The following CREB5 variants were observed in gnomAD, a reference collection of about 807,000 sequenced individuals.
CREB5 encodes cyclic AMP-responsive element-binding protein 5.
Under a neutral mutation model 57.1 loss-of-function variants are expected in CREB5, and 19 were observed. The observed-to-expected ratio is 0.33, with a 90% CI of 0.23 to 0.49. The LOEUF is 0.49. CREB5 is among the 20% of genes least tolerant of loss of function. CREB5 has a pLI of 0.99. For synonymous variants in CREB5, 238 were observed against 238.3 expected (o/e 1.00, Z 0.01); for missense variants, 579 against 671.6 (o/e 0.86, Z 1.52).
At chr7:28,672,451 A>G (rs1800098539) in intron 5 of CREB5, among the ~76,000 whole-genome samples, 1 of 152,196 alleles carries the variant, frequency 6.6e-6, no homozygotes. Context: ...ACTGCAGAAA[A>G]AAAAAATGCT....
At chr7:28,728,294 T>G (rs1803436960) in intron 7 of CREB5, among the ~76,000 whole-genome samples, 1 of 152,188 alleles carries the variant, frequency 6.6e-6, no homozygotes, top group East Asian at 1.9e-4. Context: ...TTAATAAAAC[T>G]GGCCCAGTGA....
intron 1 of CREB5, among the ~76,000 whole-genome samples, chr7:28,348,151 A>T (rs1427031862): frequency 6.6e-6 from 1 of 152,170 alleles, no homozygotes; most frequent in African/African-American, 2.4e-5. Context: ...TCGTGTGCAC[A>T]GGATCACCGG....
At chr7:28,576,159 G>A (rs1044686562) in intron 5 of CREB5, among the ~76,000 whole-genome samples, 5 of 152,180 alleles carry the variant, frequency 3.3e-5, no homozygotes, top group African/African-American at 1.2e-4. Flanking sequence ...AACACAGCAA[G>A]CCTGCTCTAC....
intron 5 of CREB5, among the ~76,000 whole-genome samples, chr7:28,580,744 G>A (rs1045827352): frequency 2.6e-5 from 4 of 151,980 alleles, no homozygotes; most frequent in South Asian, 2.1e-4. Flanking sequence ...GGTTGAGTTG[G>A]CAGTTTGGAG....
chr7:28,534,425 C>A (rs1042071198), intron 4 of CREB5, among the ~76,000 whole-genome samples: 2 of 152,198 alleles, frequency 1.3e-5, no homozygotes, highest in Admixed American at 6.5e-5. Flanking sequence ...GCTGGGTGGA[C>A]CCCTTGCCTT....
intron 5 of CREB5, among the ~76,000 whole-genome samples, chr7:28,644,914 A>G (rs1487523863): frequency 6.6e-6 from 1 of 152,164 alleles, no homozygotes; most frequent in Admixed American, 6.5e-5. Flanking sequence ...ACAAAATCCA[A>G]TGAGTGTTTA....
chr7:28,702,188 G>A (rs559505372), intron 5 of CREB5, among the ~76,000 whole-genome samples: 1 of 152,280 alleles, frequency 6.6e-6, no homozygotes, highest in Non-Finnish European at 1.5e-5. Flanking sequence ...TTTAATTAAA[G>A]AGGTTTGTTT....
intron 5 of CREB5, among the ~76,000 whole-genome samples, chr7:28,716,056 G>C (rs555458845): frequency 1.3e-5 from 2 of 152,226 alleles, no homozygotes; most frequent in East Asian, 1.9e-4. Flanking sequence ...GTTTCAGGAA[G>C]AATAAAAACT....
At chr7:28,310,467 G>T (rs1471632049) in intron 1 of CREB5, among the ~76,000 whole-genome samples, 1 of 152,212 alleles carries the variant, frequency 6.6e-6, no homozygotes, top group Non-Finnish European at 1.5e-5. Context: ...AGCTTTGGGG[G>T]TCTGAAATCC....
intron 7 of CREB5, among the ~76,000 whole-genome samples, chr7:28,748,775 G>T (rs2128762079): frequency 6.6e-6 from 1 of 152,288 alleles, no homozygotes; most frequent in Non-Finnish European, 1.5e-5. Context: ...TTTTAAGATG[G>T]TTTGTAGGTC....
At chr7:28,793,890 G>A (rs993680600) in intron 7 of CREB5, among the ~76,000 whole-genome samples, 1 of 152,222 alleles carries the variant, frequency 6.6e-6, no homozygotes, top group African/African-American at 2.4e-5. Flanking sequence ...TTGGGGATGT[G>A]TAGCATTGAA....
intron 7 of CREB5, among the ~76,000 whole-genome samples, chr7:28,755,847 T>G (rs1008733015): frequency 1.3e-5 from 2 of 152,036 alleles, no homozygotes. Context: ...AATCTGTAAG[T>G]GTTAGTGGCC....
rs533665640 is a variant in CREB5 at position 28,320,071 on chromosome 7, C to T, written c.-25+20630C>T. ...TCAGCCTCCCAAGTAGCTAAGACTACAGCTGCGTGCCACCATGCCTGGCTA... is the reference window on the plus strand; with the variant it reads ...TCAGCCTCCCAAGTAGCTAAGACTATAGCTGCGTGCCACCATGCCTGGCTA... On this transcript the variant is annotated intron_variant, in intron 1 of 9. Transcript: ENST00000396299. Among the ~76,000 whole-genome samples, 6 of 152,198 alleles carry T rather than the reference C, an allele frequency of 3.9e-5. No homozygotes were observed. The South Asian group carries it at 8.3e-4, about 21-fold the overall frequency.
intron 10 of CREB5, 90 bp from the exon 11 acceptor site, chr7:28,819,026 A>G: frequency 2.2e-6 from 3 of 1,357,170 alleles, no homozygotes; most frequent in Non-Finnish European, 3.0e-6. Flanking sequence ...TATCTAGTAC[A>G]GTTTCTCTGA....
At chr7:28,490,309 A>G (rs1412548561) in intron 2 of CREB5, among the ~76,000 whole-genome samples, 1 of 152,234 alleles carries the variant, frequency 6.6e-6, no homozygotes, top group Non-Finnish European at 1.5e-5. Flanking sequence ...CACCTTGAAG[A>G]GTATAATACA....
chr7:28,410,508 T>C (rs1417432443), upstream of CREB5: 1 of 456,678 alleles, frequency 2.2e-6, no homozygotes, highest in Non-Finnish European at 4.4e-6. Flanking sequence ...TCCCGCTTCT[T>C]CTTTGCCATA....
At chr7:28,309,171 T>C (rs1419689064) in intron 1 of CREB5, among the ~76,000 whole-genome samples, 1 of 152,244 alleles carries the variant, frequency 6.6e-6, no homozygotes, top group Non-Finnish European at 1.5e-5. Flanking sequence ...ATTTTGGACT[T>C]GCCAGCCTCC....
At chr7:28,498,601 G>A (rs1269063291) in intron 3 of CREB5, among the ~76,000 whole-genome samples, 2 of 152,122 alleles carry the variant, frequency 1.3e-5, no homozygotes, top group Admixed American at 6.6e-5. Flanking sequence ...GATTGTAAAC[G>A]ATTTTTGACA....
intron 1 of CREB5, among the ~76,000 whole-genome samples, chr7:28,397,401 G>A (rs1787359907): frequency 1.3e-5 from 2 of 152,146 alleles, no homozygotes; most frequent in African/African-American, 2.4e-5. Context: ...GGAGACGTAA[G>A]GATCCCATCT....
Sources: gnomAD v4.1 joint callset for allele counts (sites outside exome capture counted in the v4.1 genomes callset) on GRCh38, gnomAD v4.1.1 for gene constraint, MANE v1.5 for transcripts, NCBI Gene and HGNC (gene_info 2026-07-23, HGNC 2026-07-21) for gene names.